Variants in USP25 observed in about 807,000 individuals in gnomAD.
The protein encoded by USP25 is ubiquitin carboxyl-terminal hydrolase 25.
Under a neutral mutation model 158.5 loss-of-function variants are expected in USP25, and 85 were observed. That is an observed-to-expected ratio of 0.54 (90% CI 0.45 to 0.64). The LOEUF (loss-of-function observed/expected upper bound fraction) is 0.64. Among genes scored for constraint, USP25 ranks in the 30% least tolerant of loss-of-function variants. The pLI is 0.00. For missense variants in USP25, 1,242 were observed against 1,327.3 expected (o/e 0.94, Z 1.00); for synonymous variants, 464 against 460.4 (o/e 1.01, Z -0.10).
chr21:15,818,098 C>G (rs572849146), intron 9 of USP25, among the ~76,000 whole-genome samples: 1 of 152,092 alleles, frequency 6.6e-6, no homozygotes, highest in Non-Finnish European at 1.5e-5. Flanking sequence ...GCCAAGAATA[C>G]TCTATAGTCC....
At chr21:15,761,588 G>A (rs925121189) in intron 1 of USP25, among the ~76,000 whole-genome samples, 1 of 152,146 alleles carries the variant, frequency 6.6e-6, no homozygotes, top group Non-Finnish European at 1.5e-5. Context: ...AGGGAAAAAC[G>A]CCTTAAGTGA....
At chr21:15,850,572 T>C (rs2038840270) in intron 20 of USP25, among the ~76,000 whole-genome samples, 1 of 151,946 alleles carries the variant, frequency 6.6e-6, no homozygotes, top group African/African-American at 2.4e-5. Context: ...TTTTTCACTC[T>C]TTTCAAACCC....
Position 15,826,238 on chromosome 21 carries a change from C to A in USP25, c.1339C>A (p.Pro447Thr). ...CTATGGTTCCGGTCCCAAACGATTCCCCTTGGTAGATGTTCTTCAGTATGC... is the reference window on the plus strand; with the variant it reads ...CTATGGTTCCGGTCCCAAACGATTCACCTTGGTAGATGTTCTTCAGTATGC... ...LSYGSGPKRF[P>T]LVDVLQYALE... Residue 447 changes from proline (P) to threonine (T), a missense_variant, in exon 13 of 26, where the codon CCC becomes ACC. Physicochemically the swap from Pro to Thr is conservative, Grantham distance 38. Coordinates refer to ENST00000400183, the MANE Select transcript of USP25 (RefSeq NM_001283041.3). The surrounding 1 kb of genome is among the most constrained non-coding windows in gnomAD (Gnocchi z 4.8). The A allele has an allele frequency of 1.2e-6, 2 of 1,613,922 alleles. No individual in the cohort carries two copies.
intron 24 of USP25, chr21:15,876,508 G>A (rs183196989): frequency 3.2e-5 from 5 of 158,522 alleles, no homozygotes; most frequent in Admixed American, 1.3e-4. Flanking sequence ...AAATGATGGC[G>A]GAAGGTGAAG....
chr21:15,795,255 T>G (rs1390949746), intron 5 of USP25, among the ~76,000 whole-genome samples: 3 of 151,588 alleles, frequency 2.0e-5, no homozygotes, highest in African/African-American at 7.3e-5. Flanking sequence ...GTAGTCAGTA[T>G]TTTCATTTTT....
intron 1 of USP25, among the ~76,000 whole-genome samples, chr21:15,758,071 T>C (rs1301776691): frequency 6.6e-6 from 1 of 152,214 alleles, no homozygotes; most frequent in Non-Finnish European, 1.5e-5. Flanking sequence ...ATCAAAATCA[T>C]TTGAAGTGCT....
intron 7 of USP25, among the ~76,000 whole-genome samples, chr21:15,808,546 TTGTGTGTG>T (rs35849786): frequency 7.4e-5 from 11 of 148,380 alleles, no homozygotes; most frequent in African/African-American, 1.5e-4. Context: ...TGGTTTTTGA[TTGTGTGTG>T]TGTGTGTGTG....
chr21:15,831,724 G>A, intron 16 of USP25, 95 bp downstream of exon 16: 1 of 1,017,290 alleles, frequency 9.8e-7, no homozygotes, highest in South Asian at 1.4e-5. Context: ...CTCAGACGAT[G>A]AAGGATGTGG....
chr21:15,810,318 T>C (rs2036595040), intron 8 of USP25, among the ~76,000 whole-genome samples: 1 of 152,156 alleles, frequency 6.6e-6, no homozygotes, highest in South Asian at 2.1e-4. Context: ...TCAAGAGAGA[T>C]GGTATCCCCT....
At chr21:15,741,456 G>A (rs1436733751) in intron 1 of USP25, among the ~76,000 whole-genome samples, 2 of 152,092 alleles carry the variant, frequency 1.3e-5, no homozygotes, top group East Asian at 3.9e-4. Context: ...ATTCTCATTA[G>A]CAATATAGGA....
At chr21:15,790,951 A>C (rs1275378538) in intron 4 of USP25, among the ~76,000 whole-genome samples, 4 of 151,944 alleles carry the variant, frequency 2.6e-5, no homozygotes, top group African/African-American at 9.7e-5. Context: ...TGGGCAAGGC[A>C]GTGAACATAC....
At chr21:15,852,617 G>C (rs916061231) in intron 20 of USP25, among the ~76,000 whole-genome samples, 1 of 152,070 alleles carries the variant, frequency 6.6e-6, no homozygotes, top group Non-Finnish European at 1.5e-5. Context: ...TGAGAAAAAT[G>C]AATGTGCCAT....
In USP25 at chr21:15,744,531, C is replaced by T. The variant is rs531808345; in HGVS notation, c.45+14093C>T. 2.0e-3 allele frequency among the ~76,000 whole-genome samples: 306 copies of T among 152,050 alleles called. 3 individuals carry two copies. Among genetic ancestry groups the T allele is most frequent in the African/African-American group, 6.9e-3 (288 of 41,444 alleles). On this transcript the variant is annotated intron_variant, in intron 1 of 25. Transcript: ENST00000400183. ...GTTTTGCCATGTTGGCCAGGCTGGT[C>T]TTGAACTCCTGACCTCAAGTGATCT... is the stretch of plus-strand genomic sequence containing the variant.
intron 18 of USP25, among the ~76,000 whole-genome samples, chr21:15,844,794 A>G (rs992944877): frequency 1.3e-5 from 2 of 152,096 alleles, no homozygotes; most frequent in African/African-American, 2.4e-5. Flanking sequence ...TTTAATATGT[A>G]GATTTGGGAT....
intron 1 of USP25, among the ~76,000 whole-genome samples, chr21:15,743,054 T>C (rs2032207943): frequency 6.6e-6 from 1 of 152,232 alleles, no homozygotes; most frequent in Non-Finnish European, 1.5e-5. Flanking sequence ...CACCAGGGAA[T>C]GCCACAGCCC....
intron 1 of USP25, among the ~76,000 whole-genome samples, chr21:15,747,793 C>T (rs1347575926): frequency 6.6e-6 from 1 of 152,130 alleles, no homozygotes; most frequent in Admixed American, 6.5e-5. Flanking sequence ...AACATCGTTT[C>T]TGGAACTTTT....
At chr21:15,730,568 C>T (rs1019734750) in intron 1 of USP25, 130 bp downstream of exon 1, 34 of 1,098,952 alleles carry the variant, frequency 3.1e-5, no homozygotes, top group East Asian at 2.3e-4. Flanking sequence ...CCCCCGGCCC[C>T]TGCCCATCGC....
At chr21:15,789,668 GT>G (rs1038005918) in intron 4 of USP25, among the ~76,000 whole-genome samples, 16 of 151,854 alleles carry the variant, frequency 1.1e-4, no homozygotes, top group Admixed American at 4.6e-4. Flanking sequence ...GGTACTATTT[GT>G]TTTATGGTAT....
rs540848175 is a variant in USP25, at chr21:15,849,896, G to A, written c.2547+24G>A. On this transcript the variant is annotated intron_variant, in intron 20 of 25. Coordinates refer to ENST00000400183, the MANE Select transcript of USP25 (RefSeq NM_001283041.3). ...AGGTACAATGAACATTTTCATTTTCGTGTCTTTTCTTTTTCAAAATTAAAC... is the reference window on the plus strand; with the variant it reads ...AGGTACAATGAACATTTTCATTTTCATGTCTTTTCTTTTTCAAAATTAAAC... The A allele has an allele frequency of 2.0e-5, 29 of 1,435,488 alleles. 1 individual carries two copies. The South Asian group carries it at 3.4e-4, about 17-fold the overall frequency. The allele number at this position is 1,435,488 out of a possible 1,614,324, so 88.9% of individuals were successfully genotyped here.
Sources: gnomAD v4.1 joint callset for allele counts (sites outside exome capture counted in the v4.1 genomes callset) on GRCh38, gnomAD v4.1.1 for gene constraint, Gnocchi (gnomAD v3.1) non-coding constraint, MANE v1.5 for transcripts, NCBI Gene and HGNC (gene_info 2026-07-23, HGNC 2026-07-21) for gene names.